Variants in CDH22 observed in about 807,000 individuals in gnomAD.
CDH22 encodes cadherin 22, also known as cadherin-22.
Under a neutral mutation model 58.4 loss-of-function variants are expected in CDH22, and 30 were observed. The observed-to-expected ratio is 0.51, with a 90% CI of 0.38 to 0.70. CDH22 has a LOEUF of 0.70. Ranked by LOEUF, CDH22 falls within the 30% of genes least tolerant of loss-of-function variation. CDH22 has a pLI of 0.00. For missense variants in CDH22, 1,014 were observed against 1,233.9 expected (o/e 0.82, Z 2.67); for synonymous variants, 513 against 558.2 (o/e 0.92, Z 1.14).
chr20:46,242,255 T>A (rs1282340653), intron 2 of CDH22, among the ~76,000 whole-genome samples: 1 of 152,214 alleles, frequency 6.6e-6, no homozygotes, highest in Non-Finnish European at 1.5e-5. Context: ...TGGGATGGGT[T>A]CTTCAAGGTC....
At chr20:46,181,752 C>CTTCGTTCGTTCCTTCTTTCTTTCTTTCT in intron 10 of CDH22, among the ~76,000 whole-genome samples, 17 of 26,260 alleles carry the variant, frequency 6.5e-4, no homozygotes, top group South Asian at 1.4e-3. Flanking sequence ...TCCTTCCTTC[C>CTTCGTTCGTTCCTTCTTTCTTTCTTTCT]TTCTTTCTTT....
intron 8 of CDH22, among the ~76,000 whole-genome samples, chr20:46,191,834 C>T (rs1443566433): frequency 6.6e-6 from 1 of 152,162 alleles, no homozygotes; most frequent in African/African-American, 2.4e-5. Context: ...CTTGATTGCT[C>T]TCAGTTCTGG....
At chr20:46,235,298 G>C (rs2086245168) in intron 3 of CDH22, among the ~76,000 whole-genome samples, 1 of 152,196 alleles carries the variant, frequency 6.6e-6, no homozygotes, top group Non-Finnish European at 1.5e-5. Flanking sequence ...TTCAGGTTGT[G>C]ACAGCCTAGG....
At chr20:46,223,823 TTCCTTC>T (rs1568664388) in intron 4 of CDH22, among the ~76,000 whole-genome samples, 1,097 of 6,514 alleles carry the variant, frequency 0.17, 25 homozygotes, top group Admixed American at 0.29. Context: ...CCTTTCTTCC[TTCCTTC>T]CTTCCTTCCT....
In CDH22 at chr20:46,200,641, G is replaced by A. The variant is rs561200143; in HGVS notation, c.1287-1082C>T. ...CTGAGCTTGAAGGCAGAGACCGGGA[G>A]TGTGGGTGGCGTTCTGGGCAGGGGA... On this transcript the variant is annotated intron_variant, in intron 7 of 11. Transcript: ENST00000537909. 1.7e-3 allele frequency among the ~76,000 whole-genome samples: 260 copies of A among 152,294 alleles called. 2 individuals carry two copies. The highest frequency in any genetic ancestry group is 2.1e-3 in the East Asian group (11 of 5,188).
intron 1 of CDH22, among the ~76,000 whole-genome samples, chr20:46,271,380 C>T (rs2086488023): frequency 1.3e-5 from 2 of 152,122 alleles, no homozygotes; most frequent in African/African-American, 2.4e-5. Flanking sequence ...TACCTTCAGC[C>T]CTCTCTAAGA....
At chr20:46,234,908 G>GT (rs1420022923) in intron 3 of CDH22, among the ~76,000 whole-genome samples, 17 of 152,194 alleles carry the variant, frequency 1.1e-4, no homozygotes, top group Non-Finnish European at 7.3e-5. Context: ...GCACATAGTA[G>GT]GCCTAATATG....
intron 2 of CDH22, among the ~76,000 whole-genome samples, chr20:46,245,931 C>T (rs1407148587): frequency 6.6e-6 from 1 of 152,182 alleles, no homozygotes; most frequent in African/African-American, 2.4e-5. Context: ...TGAGAGACGG[C>T]CCCAAAGCCT....
At chr20:46,212,132 A>T (rs991519190) in intron 6 of CDH22, among the ~76,000 whole-genome samples, 1 of 152,204 alleles carries the variant, frequency 6.6e-6, no homozygotes, top group Non-Finnish European at 1.5e-5. Context: ...GTGCTTGCTG[A>T]GCAAAAGAAG....
At chr20:46,183,715 T>C (rs2085804416) in intron 10 of CDH22, among the ~76,000 whole-genome samples, 3 of 152,060 alleles carry the variant, frequency 2.0e-5, no homozygotes, top group Admixed American at 2.0e-4. Context: ...GCCTTACATA[T>C]TTTTAACAGG....
At chr20:46,287,504 C>T (rs1047363204) in intron 1 of CDH22, among the ~76,000 whole-genome samples, 12 of 151,716 alleles carry the variant, frequency 7.9e-5, no homozygotes, top group African/African-American at 2.7e-4. Context: ...GCGAGGGCAG[C>T]CAGGTGGAGG....
chr20:46,275,158 T>C (rs1276342356), intron 1 of CDH22, among the ~76,000 whole-genome samples: 1 of 152,220 alleles, frequency 6.6e-6, no homozygotes. Flanking sequence ...CCAGTGTTTC[T>C]ATAAGGCTCT....
intron 3 of CDH22, 97 bp from the exon 4 acceptor site, chr20:46,227,724 C>T: frequency 6.7e-7 from 1 of 1,490,782 alleles, no homozygotes; most frequent in Non-Finnish European, 9.0e-7. Context: ...AGAGGAGACC[C>T]TCGGGAGACC....
At chr20:46,263,878 A>G (rs772206920) in intron 1 of CDH22, among the ~76,000 whole-genome samples, 1 of 152,310 alleles carries the variant, frequency 6.6e-6, no homozygotes, top group East Asian at 1.9e-4. Flanking sequence ...TGGAAGAACA[A>G]CTGTGGATGT....
At chr20:46,275,126 C>T (rs1302378481) in intron 1 of CDH22, among the ~76,000 whole-genome samples, 1 of 152,108 alleles carries the variant, frequency 6.6e-6, no homozygotes, top group Non-Finnish European at 1.5e-5. Context: ...AAAAGTGGCC[C>T]CCATTTCTCT....
At chr20:46,226,106 G>C (rs924604995) in intron 4 of CDH22, among the ~76,000 whole-genome samples, 1 of 152,016 alleles carries the variant, frequency 6.6e-6, no homozygotes, top group African/African-American at 2.4e-5. Context: ...CAACAAACCT[G>C]ATTGCCGAAG....
intron 1 of CDH22, among the ~76,000 whole-genome samples, chr20:46,284,589 G>A (rs772921555): frequency 7.8e-4 from 118 of 152,180 alleles, no homozygotes; most frequent in Admixed American, 7.9e-4. Flanking sequence ...TGTTCAGCTA[G>A]CCCTGTCAGT....
chr20:46,269,250 A>G (rs1031169351), intron 1 of CDH22, among the ~76,000 whole-genome samples: 3 of 152,034 alleles, frequency 2.0e-5, no homozygotes, highest in Non-Finnish European at 4.4e-5. Context: ...ATCCTGCTCC[A>G]ATTACCAGCC....
rs2086195971 is a variant in CDH22, at chr20:46,228,385, A to G, written c.551-758T>C. On this transcript the variant is annotated intron_variant, in intron 3 of 11. Coordinates refer to ENST00000537909, the MANE Select transcript of CDH22 (RefSeq NM_021248.3). ...GCTCTGCACGTAGACTGCTGGGGAG[A>G]GTATAAATTGGATAAAAGTCCATCA... Among the ~76,000 whole-genome samples, 3 of 152,120 alleles carry G rather than the reference A, an allele frequency of 2.0e-5. No individual in the cohort carries two copies. The South Asian group carries it at 6.2e-4, about 32-fold the overall frequency.
Sources: gnomAD v4.1 joint callset for allele counts (sites outside exome capture counted in the v4.1 genomes callset) on GRCh38, gnomAD v4.1.1 for gene constraint, MANE v1.5 for transcripts, NCBI Gene and HGNC (gene_info 2026-07-23, HGNC 2026-07-21) for gene names.